KHDRBS2: variants seen among roughly 807,000 people sequenced by gnomAD.
KHDRBS2 encodes the protein KH RNA binding domain containing, signal transduction associated 2.
KHDRBS2 carries 26 observed loss-of-function variants against 44.3 expected under a neutral mutation model. That is an observed-to-expected ratio of 0.59 (90% CI 0.43 to 0.81). The LOEUF is 0.81. KHDRBS2 is among the 40% of genes least tolerant of loss of function. The pLI, the probability that KHDRBS2 is intolerant of heterozygous loss-of-function variation, is 0.00. For missense variants in KHDRBS2, 476 were observed against 433.1 expected, an observed-to-expected ratio of 1.10 and a Z score of -0.88; for synonymous variants, 194 against 151.1, an observed-to-expected ratio of 1.28 and a Z score of -2.08.
chr6:61,956,360 G>C (rs1767306497), intron 4 of KHDRBS2, among the ~76,000 whole-genome samples: 1 of 152,040 alleles, frequency 6.6e-6, no homozygotes, highest in Non-Finnish European at 1.5e-5. Context: ...CATCATAGGG[G>C]GTAAACTGAT....
chr6:61,913,944 A>C (rs1325833280), intron 4 of KHDRBS2, among the ~76,000 whole-genome samples: 2 of 152,126 alleles, frequency 1.3e-5, no homozygotes, highest in African/African-American at 4.8e-5. Flanking sequence ...TCAGACAAGT[A>C]GGTAGGCTCT....
intron 4 of KHDRBS2, among the ~76,000 whole-genome samples, chr6:61,903,615 C>T (rs186330587): frequency 6.6e-6 from 1 of 151,632 alleles, no homozygotes; most frequent in East Asian, 1.9e-4. Flanking sequence ...CCAATTTGTT[C>T]AGGATTCCCT....
chr6:62,213,663 AG>A (rs968419613), intron 1 of KHDRBS2, among the ~76,000 whole-genome samples: 5 of 151,944 alleles, frequency 3.3e-5, no homozygotes, highest in African/African-American at 9.7e-5. Flanking sequence ...TCACAAGGTC[AG>A]GAGATCAAGA....
At chr6:62,268,456 C>T (rs1358294067) in intron 1 of KHDRBS2, among the ~76,000 whole-genome samples, 2 of 151,976 alleles carry the variant, frequency 1.3e-5, no homozygotes, top group Non-Finnish European at 2.9e-5. Flanking sequence ...CAATGCTGGC[C>T]GCTAACATGC....
At chr6:61,791,438 T>C (rs1244652516) in intron 6 of KHDRBS2, among the ~76,000 whole-genome samples, 1 of 151,550 alleles carries the variant, frequency 6.6e-6, no homozygotes, top group African/African-American at 2.4e-5. Context: ...TTTATTATCA[T>C]TGAATTATAA....
the KHDRBS2 span, among the ~76,000 whole-genome samples, chr6:61,560,273 G>A: frequency 1.3e-5 from 2 of 152,082 alleles, no homozygotes; most frequent in African/African-American, 2.4e-5. Context: ...AATAATTAAA[G>A]GCCTTGAAAT....
chr6:62,219,008 AG>A (rs577461078), intron 1 of KHDRBS2, among the ~76,000 whole-genome samples: 16 of 151,776 alleles, frequency 1.1e-4, no homozygotes, highest in African/African-American at 3.9e-4. Context: ...TCAGAAGCAC[AG>A]GGGGGAAGAA....
intron 2 of KHDRBS2, among the ~76,000 whole-genome samples, chr6:62,054,530 A>T (rs1419202793): frequency 3.9e-5 from 6 of 152,190 alleles, no homozygotes; most frequent in Admixed American, 2.6e-4. Context: ...AGATCTTGAG[A>T]TGAGGGATTA....
intron 2 of KHDRBS2, among the ~76,000 whole-genome samples, chr6:62,062,425 T>C (rs1287219161): frequency 6.7e-6 from 1 of 150,272 alleles, no homozygotes; most frequent in Non-Finnish European, 1.5e-5. Context: ...TATAACAAAC[T>C]ATCTCTCAGA....
intron 2 of KHDRBS2, among the ~76,000 whole-genome samples, chr6:62,128,645 C>A (rs1809532689): frequency 6.9e-6 from 1 of 145,070 alleles, no homozygotes; most frequent in African/African-American, 2.5e-5. Flanking sequence ...CCTTTCATAT[C>A]TGTTAGATAA....
At chr6:61,860,467 T>G (rs1388862272) in intron 6 of KHDRBS2, among the ~76,000 whole-genome samples, 2 of 151,982 alleles carry the variant, frequency 1.3e-5, no homozygotes, top group Non-Finnish European at 2.9e-5. Flanking sequence ...TGAGAACGTG[T>G]GGTATTTGTT....
At chr6:61,619,456 TG>T in the KHDRBS2 span, among the ~76,000 whole-genome samples, 6 of 152,204 alleles carry the variant, frequency 3.9e-5, no homozygotes, top group Admixed American at 3.9e-4. Context: ...TTTGTTTGTT[TG>T]TTTGTTTGTT....
chr6:61,818,091 C>A (rs1789269686), intron 6 of KHDRBS2, among the ~76,000 whole-genome samples: 2 of 151,860 alleles, frequency 1.3e-5, no homozygotes, highest in African/African-American at 4.8e-5. Context: ...TTAGGAATTT[C>A]ACTTATTATT....
At chr6:61,754,321 G>C (rs1476837532) in intron 6 of KHDRBS2, among the ~76,000 whole-genome samples, 2 of 152,106 alleles carry the variant, frequency 1.3e-5, no homozygotes, top group African/African-American at 4.8e-5. Context: ...CATGAGTGGG[G>C]CCAGAGAACA....
At chr6:62,150,602 A>G (rs1005158084) in intron 2 of KHDRBS2, among the ~76,000 whole-genome samples, 1 of 152,214 alleles carries the variant, frequency 6.6e-6, no homozygotes, top group African/African-American at 2.4e-5. Flanking sequence ...GTGTTCCACT[A>G]AAGATTGGAA....
intron 2 of KHDRBS2, among the ~76,000 whole-genome samples, chr6:62,136,324 A>C (rs1320646974): frequency 2.0e-5 from 3 of 152,210 alleles, no homozygotes; most frequent in Non-Finnish European, 4.4e-5. Context: ...AACACTTTAC[A>C]TAAGAAAAGT....
the KHDRBS2 span, among the ~76,000 whole-genome samples, chr6:61,586,502 A>G: frequency 6.6e-6 from 1 of 152,142 alleles, no homozygotes; most frequent in Non-Finnish European, 1.5e-5. Flanking sequence ...ACAGTGTCCA[A>G]GACTTTTGTG....
chr6:62,125,740 G>T (rs1286803835), intron 2 of KHDRBS2, among the ~76,000 whole-genome samples: 2 of 152,210 alleles, frequency 1.3e-5, no homozygotes, highest in South Asian at 2.1e-4. Flanking sequence ...CATACCCCAG[G>T]CCAGGAGGGA....
At chr6:61,637,032 T>A in the KHDRBS2 span, among the ~76,000 whole-genome samples, 3 of 152,112 alleles carry the variant, frequency 2.0e-5, no homozygotes, top group Admixed American at 6.6e-5. Flanking sequence ...TTTTTTCTTT[T>A]TTTATTTATT....
Sources: allele counts gnomAD v4.1 joint callset (sites outside exome capture counted in the v4.1 genomes callset), GRCh38; gene constraint gnomAD v4.1.1; transcripts MANE v1.5; gene names NCBI Gene and HGNC (gene_info 2026-07-23, HGNC 2026-07-21).